SMG6: variants seen among roughly 807,000 people sequenced by gnomAD.
SMG6 encodes the protein telomerase-binding protein EST1A.
In SMG6, 66 loss-of-function variants were observed where a neutral mutation model predicts 142.2. The observed-to-expected ratio is 0.46, with a 90% confidence interval of 0.38 to 0.57. The LOEUF is 0.57. Among genes scored for constraint, SMG6 ranks in the 20% least tolerant of loss-of-function variants. The pLI is 0.00. For missense variants in SMG6, 1,793 were observed against 1,832.0 expected (o/e 0.98, Z 0.39); for synonymous variants, 779 against 702.4 (o/e 1.11, Z -1.72).
chr17:2,094,183 G>A (rs1048434630), intron 13 of SMG6, among the ~76,000 whole-genome samples: 2 of 152,176 alleles, frequency 1.3e-5, no homozygotes, highest in South Asian at 2.1e-4. Context: ...GGGTACGGGC[G>A]GTGGCTCTGC....
intron 10 of SMG6, among the ~76,000 whole-genome samples, chr17:2,227,495 A>T (rs951925897): frequency 6.6e-5 from 10 of 152,356 alleles, no homozygotes; most frequent in African/African-American, 2.4e-4. Context: ...CACTCTTAGG[A>T]TTCCATTTAC....
intron 10 of SMG6, among the ~76,000 whole-genome samples, chr17:2,226,421 T>C (rs952945468): frequency 4.4e-5 from 6 of 136,608 alleles, no homozygotes; most frequent in African/African-American, 1.4e-4. Context: ...TTACTAAATA[T>C]ACAAAAAATT....
At chr17:2,281,348 T>C (rs531044956) in intron 8 of SMG6, among the ~76,000 whole-genome samples, 3 of 152,162 alleles carry the variant, frequency 2.0e-5, no homozygotes, top group African/African-American at 2.4e-5. Flanking sequence ...AGGCTGGTAC[T>C]GAATTCCTAG....
chr17:2,235,706 T>G (rs2073631957), intron 10 of SMG6: 1 of 152,542 alleles, frequency 6.6e-6, no homozygotes, highest in African/African-American at 2.4e-5. Flanking sequence ...AATAATGTCA[T>G]CCCTGTACTA....
intron 13 of SMG6, among the ~76,000 whole-genome samples, chr17:2,139,091 C>T (rs971891535): frequency 6.6e-6 from 1 of 151,848 alleles, no homozygotes; most frequent in Non-Finnish European, 1.5e-5. Context: ...CATAAGAGGA[C>T]GAAAGTCATA....
At chr17:2,268,475 T>A (rs553064983) in intron 8 of SMG6, among the ~76,000 whole-genome samples, 1 of 152,126 alleles carries the variant, frequency 6.6e-6, no homozygotes, top group East Asian at 1.9e-4. Flanking sequence ...AAATGATGAG[T>A]CTAAAGAAAA....
intron 12 of SMG6, among the ~76,000 whole-genome samples, chr17:2,183,745 GACACACACACACACACACACACACAC>G (rs56210030): frequency 1.0e-4 from 15 of 146,442 alleles, no homozygotes; most frequent in South Asian, 6.7e-4. Context: ...AGGTGCGTGC[GACACACACACACACACACACACACAC>G]ACACACACAC....
chr17:2,290,511 A>C (rs551847585), intron 6 of SMG6, among the ~76,000 whole-genome samples: 27 of 152,264 alleles, frequency 1.8e-4, no homozygotes, highest in Non-Finnish European at 3.4e-4. Flanking sequence ...CAACTGCTAG[A>C]AAATAACACA....
In SMG6 at chr17:2,299,290, C is replaced by A. The variant is rs2075216316; in HGVS notation, c.1463G>T (p.Trp488Leu). 6.2e-7 allele frequency: 1 copy of A among 1,614,046 alleles called. No individual in the cohort carries two copies. Among genetic ancestry groups the A allele is most frequent in the East Asian group, 2.2e-5 (1 of 44,870 alleles). ...DTDDEVSPTS[W>L]GDSRQAQASY... The stretch of plus-strand genomic sequence containing the variant: ...TGCCTGAGCCTGGCGTGAGTCACCC[C>A]AAGATGTAGGGCTGACTTCATCATC... The change falls in exon 2 of 19, where the codon TGG becomes TTG. Residue 488 changes from tryptophan (W) to leucine (L), a missense_variant. Transcript: ENST00000263073. This position sits in a 1 kb window ranked among gnomAD's most constrained non-coding sequence, Gnocchi z 4.3.
At chr17:2,170,925 TA>T (rs2071484007) in intron 13 of SMG6, among the ~76,000 whole-genome samples, 1 of 152,148 alleles carries the variant, frequency 6.6e-6, no homozygotes. Context: ...TGGGTAACTA[TA>T]AAAATGATTC....
chr17:2,193,912 C>T (rs2072239915), intron 10 of SMG6, among the ~76,000 whole-genome samples: 1 of 152,182 alleles, frequency 6.6e-6, no homozygotes, highest in Admixed American at 6.5e-5. Context: ...CTCAGTGCAA[C>T]CTCTGCCTCC....
intron 13 of SMG6, among the ~76,000 whole-genome samples, chr17:2,098,997 C>T (rs1313289640): frequency 1.3e-5 from 2 of 152,008 alleles, no homozygotes; most frequent in Admixed American, 6.6e-5. Context: ...ATTAATCTGT[C>T]GTGTTTTTTT....
At chr17:2,087,867 C>T (rs1331265523) in intron 13 of SMG6, 3 of 985,730 alleles carry the variant, frequency 3.0e-6, no homozygotes, top group Non-Finnish European at 3.6e-6. Context: ...TCTCTGTGGT[C>T]TAATTTTAAC....
chr17:2,297,178 C>T, intron 4 of SMG6, 65 bp downstream of exon 4: 3 of 1,157,632 alleles, frequency 2.6e-6, no homozygotes, highest in Non-Finnish European at 3.8e-6. Flanking sequence ...CTAGCACATA[C>T]CTAACACTAG....
chr17:2,155,505 C>T (rs1416779009), intron 13 of SMG6, among the ~76,000 whole-genome samples: 2 of 152,098 alleles, frequency 1.3e-5, no homozygotes, highest in African/African-American at 4.8e-5. Flanking sequence ...AAAAAGTATG[C>T]CTCTTATAAT....
chr17:2,085,629 C>T lies in SMG6; in HGVS notation c.3534+96G>A. 1.6e-6 allele frequency: 2 copies of T among 1,244,034 alleles called. No individual in the cohort carries two copies. The highest frequency in any genetic ancestry group is 2.3e-6 in the Non-Finnish European group (2 of 881,286). 77.1% of individuals were successfully genotyped at this position (1,244,034 alleles called of 1,614,324 possible). A position where few individuals can be genotyped will look rare whatever the true frequency, so the allele number is the denominator to read the frequency against. ...GTCACATTAACACAGACGCTGTTCT[C>T]TGTGCTCATAAATAAGCAGGAGGAA... On this transcript the variant is annotated intron_variant, in intron 14 of 18. Transcript: ENST00000263073. The surrounding 1 kb of genome is among the most constrained non-coding windows in gnomAD (Gnocchi z 4.1).
At chr17:2,294,361 A>G (rs762276670) in intron 4 of SMG6, among the ~76,000 whole-genome samples, 3 of 152,172 alleles carry the variant, frequency 2.0e-5, no homozygotes, top group Non-Finnish European at 4.4e-5. Flanking sequence ...TGTTGGTAAG[A>G]GACAAAAACA....
At chr17:2,125,106 A>T (rs1597427713) in intron 13 of SMG6, among the ~76,000 whole-genome samples, 1 of 151,442 alleles carries the variant, frequency 6.6e-6, no homozygotes, top group Admixed American at 6.6e-5. Flanking sequence ...GCCAGAGCAG[A>T]GTCTACTTTT....
chr17:2,123,538 GT>G (rs2069770674), intron 13 of SMG6, among the ~76,000 whole-genome samples: 1 of 152,184 alleles, frequency 6.6e-6, no homozygotes, highest in African/African-American at 2.4e-5. Context: ...CTTGGCAATG[GT>G]TATTCCTCCC....
Sources: allele counts gnomAD v4.1 joint callset (sites outside exome capture counted in the v4.1 genomes callset), GRCh38; gene constraint gnomAD v4.1.1; non-coding constraint Gnocchi (gnomAD v3.1); transcripts MANE v1.5; gene names NCBI Gene and HGNC (gene_info 2026-07-23, HGNC 2026-07-21).